DYNC1H1: variants seen among roughly 807,000 people sequenced by gnomAD.
The protein encoded by DYNC1H1 is dynein cytoplasmic 1 heavy chain 1, also known as cytoplasmic dynein 1 heavy chain 1.
A neutral mutation model predicts 527.1 loss-of-function variants in DYNC1H1; 51 were observed. The observed-to-expected ratio is 0.10, with a 90% CI of 0.08 to 0.12. The LOEUF (loss-of-function observed/expected upper bound fraction) is 0.12, where lower values mean the gene tolerates loss of function less well. Among genes scored for constraint, DYNC1H1 ranks in the 10% least tolerant of loss-of-function variants. The pLI, the probability that DYNC1H1 is intolerant of heterozygous loss-of-function variation, is 1.00. For synonymous variants in DYNC1H1, 2,189 were observed against 2,278.8 expected, an observed-to-expected ratio of 0.96 and a Z score of 1.12; for missense variants, 2,771 against 5,971.8, an observed-to-expected ratio of 0.46 and a Z score of 17.66.
rs1555411393 is a variant in DYNC1H1 at position 102,033,312 on chromosome 14, A to G, written c.10241A>G (p.Asn3414Ser). ...DMLKRVEPLR[N>S]ELQKLEDDAK... ...TTAAAGAGAGTGGAGCCCCTACGCA[A>G]TGAGCTGCAGAAGCTGGAAGATGAC... The change falls in exon 54 of 78, where the codon AAT (asparagine) becomes AGT (serine). Residue 3414 changes from asparagine to serine, a missense_variant. Asn to Ser is a conservative substitution (Grantham distance 46). This residue lies in a region of DYNC1H1 where 283 missense variants were observed against 737.6 expected (regional missense o/e 0.38). Transcript: ENST00000360184. The surrounding 1 kb of genome is among the most constrained non-coding windows in gnomAD (Gnocchi z 5.6). 1.4e-5 allele frequency: 23 copies of G among 1,614,068 alleles called. No individual in the cohort carries two copies. The highest frequency in any genetic ancestry group is 1.9e-5 in the Non-Finnish European group (22 of 1,180,036).
Position 102,020,516 on chromosome 14 carries a change from AC to A in DYNC1H1, c.8507+464del, listed in dbSNP as rs1045325828. ...CCAGTGTGCGTGTTCCGTAACCACC[AC>A]CCCTCTTCCTGTTTCTCAGTCTGTG... On this transcript the variant is annotated intron_variant, in intron 42 of 77. Coordinates refer to ENST00000360184, the MANE Select transcript of DYNC1H1 (RefSeq NM_001376.5). This position sits in a 1 kb window ranked among gnomAD's most constrained non-coding sequence, Gnocchi z 4.3. 2.6e-5 allele frequency among the ~76,000 whole-genome samples: 4 copies of A among 151,654 alleles called. No homozygotes were observed. Among genetic ancestry groups the A allele is most frequent in the African/African-American group, 9.7e-5 (4 of 41,202 alleles).
intron 23 of DYNC1H1, 125 bp downstream of exon 23, chr14:102,003,090 A>G: frequency 8.3e-7 from 1 of 1,209,960 alleles, no homozygotes; most frequent in Non-Finnish European, 1.2e-6. Flanking sequence ...TTGTTAGCCA[A>G]TAATACATAT....
Position 102,042,830 on chromosome 14 carries a change from G to A in DYNC1H1, c.12513+82G>A. On this transcript the variant is annotated intron_variant, in intron 69 of 77. Transcript: ENST00000360184. The surrounding 1 kb of genome is among the most constrained non-coding windows in gnomAD (Gnocchi z 5.7). ...TCACCAAATGCAGAAGTGGGTCCCT[G>A]GGCCCCCGGAAGTGCCGTGTGGTGA... The A allele has an allele frequency of 6.6e-7, 1 of 1,518,436 alleles. No individual in the cohort carries two copies. The highest frequency in any genetic ancestry group is 2.4e-5 in the East Asian group (1 of 42,224). The allele number at this position is 1,518,436 out of a possible 1,614,324, so 94.1% of individuals were successfully genotyped here.
intron 72 of DYNC1H1, among the ~76,000 whole-genome samples, chr14:102,046,494 C>T (rs554226815): frequency 4.5e-4 from 61 of 135,134 alleles, no homozygotes; most frequent in African/African-American, 1.6e-3. Flanking sequence ...GAAAGCCAGG[C>T]GAGCTGGGCG....
rs1351708144 is a variant in DYNC1H1, at chr14:101,983,542, A to G, written c.1394A>G (p.Gln465Arg). 3 of 1,614,234 alleles carry G rather than the reference A, an allele frequency of 1.9e-6. No homozygotes were observed. The highest frequency in any genetic ancestry group is 2.5e-6 in the Non-Finnish European group (3 of 1,180,050). Residue 465 changes from glutamine to arginine, a missense_variant, in exon 7 of 78, where the codon CAG (glutamine) becomes CGG (arginine). Physicochemically the swap from Gln to Arg is conservative, Grantham distance 43 (BLOSUM62 1). Transcript: ENST00000360184. The surrounding 1 kb of genome is among the most constrained non-coding windows in gnomAD (Gnocchi z 5.3). ...AHRKLQARLD[Q>R]MRKFRRQHEQ... ...AGGAAGCTGCAGGCCCGCCTTGACC[A>G]GATGAGAAAATTTAGACGCCAGCAT...
At position 101,964,737 on chromosome 14, in the gene DYNC1H1, T is replaced by C. The variant is rs2273437; in HGVS notation, c.46T>C (p.Leu16=). ...CGGCGGCGAGGACGGCTCGGCCGGA[T>C]TGGAAGTGTCGGCCGTGCAGAATGT... ...GGGGEDGSAG[L]EVSAVQNVAD... Residue 16 remains leucine (L), a synonymous_variant, in exon 1 of 78, where the codon TTG becomes CTG. Transcript: ENST00000360184. This position sits in a 1 kb window ranked among gnomAD's most constrained non-coding sequence, Gnocchi z 5.5. 3.8e-3 allele frequency: 6,046 copies of C among 1,596,858 alleles called. 134 individuals are homozygous for C. In the Admixed American group the frequency reaches 0.042, roughly 11 times the overall value.
rs1260729859 is a variant in DYNC1H1 at position 101,965,042 on chromosome 14, G to T, written c.256+95G>T. On this transcript the variant is annotated intron_variant, in intron 1 of 77. Transcript: ENST00000360184. The surrounding 1 kb of genome is among the most constrained non-coding windows in gnomAD (Gnocchi z 4.1). ...GGGGTCGCAGATGTCCCCGGGATGG[G>T]AGGAGCCCGGCAGCTGCAGATGACC... The T allele has an allele frequency of 3.0e-6, 4 of 1,342,450 alleles. No individual in the cohort carries two copies. The highest frequency in any genetic ancestry group is 3.0e-6 in the Non-Finnish European group (3 of 989,778). 83.2% of individuals were successfully genotyped at this position (1,342,450 alleles called of 1,614,324 possible).
chr14:102,010,668 C>A lies in DYNC1H1; in HGVS notation c.6406-72C>A, dbSNP rs1280188905. On this transcript the variant is annotated intron_variant, in intron 31 of 77. Coordinates refer to ENST00000360184, the MANE Select transcript of DYNC1H1 (RefSeq NM_001376.5). This position sits in a 1 kb window ranked among gnomAD's most constrained non-coding sequence, Gnocchi z 6.0. The stretch of plus-strand genomic sequence containing the variant: ...TGTTCACCAACAGTTACTGATCACG[C>A]ACCTCCTGGGGATGCAGCGGGCAGT... The A allele has an allele frequency of 1.9e-6, 3 of 1,591,680 alleles. No individual in the cohort carries two copies. In the East Asian group the frequency reaches 6.7e-5, roughly 36 times the overall value.
chr14:102,013,732 G>A (rs17541137), intron 34 of DYNC1H1, among the ~76,000 whole-genome samples: 2,063 of 152,244 alleles, frequency 0.014, 47 homozygotes, highest in African/African-American at 0.048. Flanking sequence ...ATGAAGATCC[G>A]TCTGGCTGCC....
chr14:102,009,498 T>G, intron 29 of DYNC1H1: 9 of 315,696 alleles, frequency 2.9e-5, no homozygotes, highest in South Asian at 6.0e-5. Flanking sequence ...TGTCGCGGCA[T>G]TTATTCCTTT....
rs2048540077 is a variant in DYNC1H1 at position 102,033,912 on chromosome 14, G to A, written c.10414-64G>A. The A allele has an allele frequency of 1.3e-6, 2 of 1,562,122 alleles. No homozygotes were observed. ...GCACATAATGTGGATGAACCGATTT[G>A]CAGGATTCGGTATAAATCCTGAAAG... On this transcript the variant is annotated intron_variant, in intron 54 of 77. Coordinates refer to ENST00000360184, the MANE Select transcript of DYNC1H1 (RefSeq NM_001376.5). The surrounding 1 kb of genome is among the most constrained non-coding windows in gnomAD (Gnocchi z 5.6).
At chr14:102,000,909 A>G in intron 18 of DYNC1H1, 45 bp from the exon 19 acceptor site, 1 of 1,541,146 alleles carries the variant, frequency 6.5e-7, no homozygotes, top group South Asian at 1.1e-5. Context: ...CACCATTTAA[A>G]GAAATGTTGG....
Position 102,005,330 on chromosome 14 carries a change from G to C in DYNC1H1, c.5433+94G>C. On this transcript the variant is annotated intron_variant, in intron 26 of 77. Coordinates refer to ENST00000360184, the MANE Select transcript of DYNC1H1 (RefSeq NM_001376.5). The surrounding 1 kb of genome is among the most constrained non-coding windows in gnomAD (Gnocchi z 4.0). ...AAATCATGCTTGAAAAAGGTTTCAG[G>C]TAGTATCAAGGAGAACAGTGGATGG... 1 of 1,530,452 alleles carries C rather than the reference G, an allele frequency of 6.5e-7. No individual in the cohort carries two copies. The highest frequency in any genetic ancestry group is 2.2e-5 in the East Asian group (1 of 44,484). 94.8% of individuals were successfully genotyped at this position (1,530,452 alleles called of 1,614,324 possible).
At chr14:102,048,830 G>GGGGGGGT in intron 74 of DYNC1H1, 161 bp downstream of exon 74, 1 of 270,124 alleles carries the variant, frequency 3.7e-6, no homozygotes, top group Non-Finnish European at 7.3e-6. Flanking sequence ...GGGGGGAGGG[G>GGGGGGGT]AGGAGCTTAG....
In DYNC1H1 at chr14:102,029,506, G is replaced by A; in HGVS notation, c.9469-33G>A. 6.2e-7 allele frequency: 1 copy of A among 1,613,924 alleles called. No individual in the cohort carries two copies. Among genetic ancestry groups the A allele is most frequent in the Non-Finnish European group, 8.5e-7 (1 of 1,179,910 alleles). On this transcript the variant is annotated intron_variant, in intron 48 of 77. Transcript: ENST00000360184. This position sits in a 1 kb window ranked among gnomAD's most constrained non-coding sequence, Gnocchi z 5.3. ...CTGAGGTTAAGTCACAGAGTTTCCT[G>A]AAGAGTGAGAAGATGTAACTATTTT...
Position 102,041,915 on chromosome 14 carries a change from A to G in DYNC1H1, c.12103-98A>G. 4 of 1,513,164 alleles carry G rather than the reference A, an allele frequency of 2.6e-6. No individual in the cohort carries two copies. Among genetic ancestry groups the G allele is most frequent in the Non-Finnish European group, 3.6e-6 (4 of 1,100,328 alleles). The allele number at this position is 1,513,164 out of a possible 1,614,324, so 93.7% of individuals were successfully genotyped here. A position where few individuals can be genotyped will look rare whatever the true frequency, so the allele number is the denominator to read the frequency against. On this transcript the variant is annotated intron_variant, in intron 65 of 77. Transcript: ENST00000360184. The surrounding 1 kb of genome is among the most constrained non-coding windows in gnomAD (Gnocchi z 4.5). ...TGCCCACACCTCTGGGCCCAGAAAG[A>G]ACATCTTCTCAGGCCCCTCACTCGG...
At chr14:102,000,904 T>C in intron 18 of DYNC1H1, 50 bp from the exon 19 acceptor site, 1 of 1,526,738 alleles carries the variant, frequency 6.5e-7, no homozygotes. Context: ...TATTTCACCA[T>C]TTAAAGAAAT....
In DYNC1H1 at chr14:101,964,585, G is replaced by C; in HGVS notation, c.-107G>C. The C allele has an allele frequency of 6.6e-7, 1 of 1,523,262 alleles. No homozygotes were observed. Among genetic ancestry groups the C allele is most frequent in the Non-Finnish European group, 8.8e-7 (1 of 1,140,274 alleles). The allele number at this position is 1,523,262 out of a possible 1,614,324, so 94.4% of individuals were successfully genotyped here. On this transcript the variant is annotated 5_prime_UTR_variant, in exon 1 of 78. Coordinates refer to ENST00000360184, the MANE Select transcript of DYNC1H1 (RefSeq NM_001376.5). This position sits in a 1 kb window ranked among gnomAD's most constrained non-coding sequence, Gnocchi z 5.5. ...TCCCGCTCTCCTCAGTCTGCGGTGGGCTAGCGGACGGTCCGGCTTCCGGCG... is the reference window on the plus strand; with the variant it reads ...TCCCGCTCTCCTCAGTCTGCGGTGGCCTAGCGGACGGTCCGGCTTCCGGCG...
At position 102,044,207 on chromosome 14, in the gene DYNC1H1, CT is replaced by C. The variant is rs1193572511; in HGVS notation, c.12685-66del. 6.3e-7 allele frequency: 1 copy of C among 1,599,750 alleles called. No homozygotes were observed. Among genetic ancestry groups the C allele is most frequent in the Non-Finnish European group, 8.5e-7 (1 of 1,174,126 alleles). Reference sequence around the variant, plus strand: ...GGGAGTGAGGAGGAAAGCTGTGCCCCTCGAAAGGAAGCCCCGGGCCTGCCCG... The same window carrying C: ...GGGAGTGAGGAGGAAAGCTGTGCCCCCGAAAGGAAGCCCCGGGCCTGCCCG... On this transcript the variant is annotated intron_variant, in intron 70 of 77. Coordinates refer to ENST00000360184, the MANE Select transcript of DYNC1H1 (RefSeq NM_001376.5). This position sits in a 1 kb window ranked among gnomAD's most constrained non-coding sequence, Gnocchi z 7.1.
Sources: gnomAD v4.1 joint callset for allele counts (sites outside exome capture counted in the v4.1 genomes callset) on GRCh38, gnomAD v4.1.1 for gene constraint, gnomAD v4.1.1 regional missense constraint, Gnocchi (gnomAD v3.1) non-coding constraint, MANE v1.5 for transcripts, NCBI Gene and HGNC (gene_info 2026-07-23, HGNC 2026-07-21) for gene names.